Variants in CUL3 observed in about 807,000 individuals in gnomAD.
CUL3 encodes cullin 3, also known as cullin-3.
CUL3 carries 19 observed loss-of-function variants against 89.1 expected under a neutral mutation model. That is an observed-to-expected ratio of 0.21 (90% CI 0.15 to 0.31). CUL3 has a LOEUF of 0.31. CUL3 is among the 10% of genes least tolerant of loss of function. The pLI is 1.00. For synonymous variants in CUL3, 351 were observed against 308.4 expected (o/e 1.14, Z -1.45); for missense variants, 469 against 942.3 (o/e 0.50, Z 6.58).
rs536198036 is a variant in CUL3 at position 224,475,012 on chromosome 2, TATTTA to T, written c.2176-641_2176-637del. The stretch of plus-strand genomic sequence containing the variant: ...ATCTGTCATTTTGCATGTATGAGTT[TATTTA>T]ATTTATTTTTTCTTTTTTGAGATCG... On this transcript the variant is annotated intron_variant, in intron 15 of 15. Transcript: ENST00000264414. Among the ~76,000 whole-genome samples the T allele has an allele frequency of 3.6e-3, 548 of 152,306 alleles. 1 individual carries two copies. Among genetic ancestry groups the T allele is most frequent in the Non-Finnish European group, 3.4e-3 (233 of 68,014 alleles).
chr2:224,505,534 C>A (rs1463829767), intron 8 of CUL3, among the ~76,000 whole-genome samples: 1 of 152,164 alleles, frequency 6.6e-6, no homozygotes, highest in Non-Finnish European at 1.5e-5. Flanking sequence ...CTCCTGAGCT[C>A]AAGTGATCCT....
intron 1 of CUL3, among the ~76,000 whole-genome samples, chr2:224,565,304 T>C (rs1232388856): frequency 6.6e-6 from 1 of 152,178 alleles, no homozygotes; most frequent in Non-Finnish European, 1.5e-5. Context: ...TGGATTGTCA[T>C]AAAGGTCCCC....
At chr2:224,568,408 C>G (rs752166463) in intron 1 of CUL3, among the ~76,000 whole-genome samples, 1 of 152,188 alleles carries the variant, frequency 6.6e-6, no homozygotes, top group Non-Finnish European at 1.5e-5. Context: ...CATTTTTCTT[C>G]AATGCCACAC....
chr2:224,482,512 G>C (rs566757252), intron 13 of CUL3, among the ~76,000 whole-genome samples: 1 of 151,886 alleles, frequency 6.6e-6, no homozygotes, highest in Non-Finnish European at 1.5e-5. Flanking sequence ...AGGTAAGCCT[G>C]AGCTCAGGCC....
At chr2:224,511,311 G>C (rs758483198) in intron 6 of CUL3, 43 bp downstream of exon 6, 1 of 1,369,534 alleles carries the variant, frequency 7.3e-7, no homozygotes, top group Non-Finnish European at 1.0e-6. Flanking sequence ...ATATCGATAA[G>C]GCAGAGTAAG....
chr2:224,500,614 C>A, intron 10 of CUL3, 127 bp from the exon 11 acceptor site: 1 of 827,160 alleles, frequency 1.2e-6, no homozygotes, highest in South Asian at 3.0e-5. Flanking sequence ...TAAAAAAAAG[C>A]AGATTTTCTT....
chr2:224,584,175 T>A (rs768333288), intron 1 of CUL3, among the ~76,000 whole-genome samples: 1 of 152,266 alleles, frequency 6.6e-6, no homozygotes, highest in Admixed American at 6.5e-5. Context: ...TTGCTGTCAC[T>A]GAAAGCGATG....
intron 2 of CUL3, among the ~76,000 whole-genome samples, chr2:224,555,316 T>C (rs763382029): frequency 3.3e-5 from 5 of 152,324 alleles, no homozygotes; most frequent in Non-Finnish European, 7.4e-5. Flanking sequence ...GCAATCTTTG[T>C]CTAGACTTAA....
At chr2:224,575,461 G>C (rs1364181441) in intron 1 of CUL3, among the ~76,000 whole-genome samples, 1 of 152,088 alleles carries the variant, frequency 6.6e-6, no homozygotes, top group African/African-American at 2.4e-5. Context: ...AGTAAGAAAG[G>C]GGCAACTGGT....
intron 1 of CUL3, among the ~76,000 whole-genome samples, chr2:224,580,329 A>T (rs1332772948): frequency 6.6e-6 from 1 of 152,218 alleles, no homozygotes; most frequent in Non-Finnish European, 1.5e-5. Flanking sequence ...AAAAATGCAA[A>T]TTGTGCATTA....
chr2:224,524,754 C>A (rs1693402982), intron 3 of CUL3, among the ~76,000 whole-genome samples: 1 of 151,922 alleles, frequency 6.6e-6, no homozygotes, highest in Non-Finnish European at 1.5e-5. Context: ...TACTGGAATT[C>A]AAATTTTAAA....
intron 13 of CUL3, 29 bp downstream of exon 13, chr2:224,495,803 G>A (rs2106179301): frequency 6.4e-7 from 1 of 1,569,900 alleles, no homozygotes; most frequent in South Asian, 1.1e-5. Flanking sequence ...AAACAACACA[G>A]TTAAAATGTA....
At chr2:224,563,390 T>TA (rs1287510802) in intron 1 of CUL3, 2 of 381,756 alleles carry the variant, frequency 5.2e-6, no homozygotes, top group African/African-American at 4.3e-5. Flanking sequence ...TTCTAAAACT[T>TA]AAGAGGGATT....
intron 2 of CUL3, among the ~76,000 whole-genome samples, chr2:224,545,335 T>TA (rs1006561383): frequency 4.6e-5 from 7 of 152,094 alleles, no homozygotes; most frequent in Admixed American, 4.6e-4. Context: ...CCAGTATCCT[T>TA]AAAAAAACAG....
At chr2:224,563,128 C>A in intron 1 of CUL3, 1 of 394,100 alleles carries the variant, frequency 2.5e-6, no homozygotes, top group South Asian at 2.0e-5. Flanking sequence ...CTTTTTCAAG[C>A]TTAGCAAATA....
chr2:224,501,201 A>G (rs1052217358), intron 10 of CUL3, among the ~76,000 whole-genome samples: 11 of 152,326 alleles, frequency 7.2e-5, no homozygotes, highest in African/African-American at 2.6e-4. Context: ...ATCTTAATAC[A>G]TATTTCTAAT....
chr2:224,524,398 C>CCCTAAGCA (rs1357135676), intron 3 of CUL3, among the ~76,000 whole-genome samples: 1 of 152,100 alleles, frequency 6.6e-6, no homozygotes, highest in Non-Finnish European at 1.5e-5. Context: ...TGATACAGCA[C>CCCTAAGCA]CCTAAGCAAG....
At chr2:224,499,888 ATC>A (rs962432703) in intron 11 of CUL3, 3 of 159,468 alleles carry the variant, frequency 1.9e-5, no homozygotes, top group African/African-American at 7.2e-5. Flanking sequence ...ATTTGCTTGG[ATC>A]TTTCTCTGTT....
intron 1 of CUL3, among the ~76,000 whole-genome samples, chr2:224,558,130 A>T (rs1255565364): frequency 6.6e-6 from 1 of 152,126 alleles, no homozygotes; most frequent in East Asian, 1.9e-4. Context: ...TTTAAATAAA[A>T]TCATAATGAT....
Sources: allele counts gnomAD v4.1 joint callset (sites outside exome capture counted in the v4.1 genomes callset), GRCh38; gene constraint gnomAD v4.1.1; transcripts MANE v1.5; gene names NCBI Gene and HGNC (gene_info 2026-07-23, HGNC 2026-07-21).